STXBP6: variants seen among roughly 807,000 people sequenced by gnomAD.
The protein encoded by STXBP6 is syntaxin-binding protein 6.
A neutral mutation model predicts 26.9 loss-of-function variants in STXBP6; 21 were observed. That is an observed-to-expected ratio of 0.78 (90% CI 0.55 to 1.12). The LOEUF is 1.12. Ranked by LOEUF, STXBP6 falls within the 50% of genes most tolerant of loss-of-function variation. The probability of loss-of-function intolerance (pLI) is 0.00; values close to 1 mark genes in which losing one functional copy is unlikely to be tolerated. For missense variants in STXBP6, 232 were observed against 257.9 expected (o/e 0.90, Z 0.69); for synonymous variants, 97 against 92.6 (o/e 1.05, Z -0.27).
intron 2 of STXBP6, among the ~76,000 whole-genome samples, chr14:24,963,970 T>TAAAAAAAAAAAAAAAA (rs768793147): frequency 3.1e-5 from 2 of 64,718 alleles, no homozygotes; most frequent in Non-Finnish European, 3.0e-5. Flanking sequence ...AGCAAGTTTC[T>TAAAAAAAAAAAAAAAA]AAAAAAAAAA....
chr14:24,838,719 A>C (rs1167127407), intron 4 of STXBP6, among the ~76,000 whole-genome samples: 1 of 152,012 alleles, frequency 6.6e-6, no homozygotes, highest in African/African-American at 2.4e-5. Context: ...ATGGCCAGTA[A>C]CTTAAGGGCC....
intron 4 of STXBP6, among the ~76,000 whole-genome samples, chr14:24,841,045 G>A (rs927262921): frequency 1.1e-4 from 16 of 152,092 alleles, no homozygotes; most frequent in African/African-American, 3.9e-4. Context: ...TTTTTACCAT[G>A]TTTGCAATCG....
At chr14:24,844,412 G>A (rs990742484) in intron 4 of STXBP6, among the ~76,000 whole-genome samples, 3 of 152,226 alleles carry the variant, frequency 2.0e-5, no homozygotes, top group Admixed American at 6.5e-5. Context: ...TCGGACAGAC[G>A]TACGGGTAAC....
intron 2 of STXBP6, 118 bp downstream of exon 2, chr14:24,974,547 G>A: frequency 1.2e-6 from 1 of 833,068 alleles, no homozygotes; most frequent in South Asian, 3.2e-5. Context: ...ACGGGGAAAA[G>A]GAGCAAGACA....
chr14:25,044,512 C>A (rs1209306016), intron 1 of STXBP6, among the ~76,000 whole-genome samples: 2 of 152,186 alleles, frequency 1.3e-5, no homozygotes, highest in African/African-American at 4.8e-5. Context: ...TCCAGGCACC[C>A]CTGACTGCTT....
At chr14:24,938,822 C>T (rs1287907171) in intron 2 of STXBP6, among the ~76,000 whole-genome samples, 2 of 152,130 alleles carry the variant, frequency 1.3e-5, no homozygotes, top group East Asian at 3.9e-4. Flanking sequence ...CTAGACATTC[C>T]TAACAGAAAA....
chr14:24,990,680 G>T, intron 1 of STXBP6, among the ~76,000 whole-genome samples: 1 of 94,214 alleles, frequency 1.1e-5, no homozygotes, highest in Non-Finnish European at 2.1e-5. Flanking sequence ...AAAAAAAAAA[G>T]ATAAGCTGGG....
chr14:25,013,497 C>CACAT (rs2075078777), intron 1 of STXBP6, among the ~76,000 whole-genome samples: 1 of 151,666 alleles, frequency 6.6e-6, no homozygotes, highest in African/African-American at 2.4e-5. Context: ...CACACACACA[C>CACAT]ACACACCCCT....
chr14:24,981,842 C>T (rs78447520), intron 1 of STXBP6, among the ~76,000 whole-genome samples: 6,401 of 152,178 alleles, frequency 0.042, 153 homozygotes, highest in Middle Eastern at 0.086. Flanking sequence ...TATAGCCCAT[C>T]CACCCAACAG....
At chr14:24,924,980 T>A (rs2139842032) in intron 2 of STXBP6, among the ~76,000 whole-genome samples, 1 of 152,336 alleles carries the variant, frequency 6.6e-6, no homozygotes, top group Non-Finnish European at 1.5e-5. Context: ...GATACCGTTG[T>A]ATCAAGATAC....
intron 1 of STXBP6, among the ~76,000 whole-genome samples, chr14:24,980,788 GA>G (rs138226210): frequency 0.016 from 2,409 of 152,242 alleles, 60 homozygotes; most frequent in African/African-American, 0.055. Context: ...TTCTAAACAT[GA>G]AAAATAATGG....
At chr14:24,833,174 C>T (rs1009576798) in intron 4 of STXBP6, among the ~76,000 whole-genome samples, 7 of 152,172 alleles carry the variant, frequency 4.6e-5, no homozygotes, top group African/African-American at 4.8e-5. Context: ...AGCCTCATGA[C>T]GTTGCAGTTA....
At chr14:25,025,169 C>T (rs1007441364) in intron 1 of STXBP6, among the ~76,000 whole-genome samples, 3 of 147,770 alleles carry the variant, frequency 2.0e-5, no homozygotes, top group South Asian at 2.2e-4. Context: ...CATGAGAAGG[C>T]TTTTTTTTTT....
chr14:24,933,585 T>C (rs949462400), intron 2 of STXBP6, among the ~76,000 whole-genome samples: 3 of 152,208 alleles, frequency 2.0e-5, no homozygotes, highest in African/African-American at 7.2e-5. Flanking sequence ...TTTTTAAAAA[T>C]GTATTTTTAT....
intron 2 of STXBP6, among the ~76,000 whole-genome samples, chr14:24,916,377 T>C (rs1187018237): frequency 1.3e-5 from 2 of 152,140 alleles, no homozygotes; most frequent in African/African-American, 4.8e-5. Context: ...TGAGTCATGA[T>C]GTTGAGAATA....
chr14:24,895,663 A>G (rs1195494165), intron 2 of STXBP6, among the ~76,000 whole-genome samples: 4 of 152,250 alleles, frequency 2.6e-5, no homozygotes, highest in Non-Finnish European at 4.4e-5. Flanking sequence ...CGCAGAAGAT[A>G]GGGTAGGGCT....
intron 4 of STXBP6, among the ~76,000 whole-genome samples, chr14:24,843,387 C>T (rs1426140510): frequency 1.3e-5 from 2 of 152,160 alleles, no homozygotes; most frequent in Non-Finnish European, 2.9e-5. Flanking sequence ...CTTCCATTAA[C>T]TCCTGTGTCC....
intron 2 of STXBP6, among the ~76,000 whole-genome samples, chr14:24,890,483 A>G (rs558026673): frequency 2.6e-5 from 4 of 152,342 alleles, no homozygotes; most frequent in African/African-American, 9.6e-5. Flanking sequence ...AAATTAATTC[A>G]AGAAAACTAA....
At chr14:24,846,749 G>A (rs1017219608) in intron 4 of STXBP6, among the ~76,000 whole-genome samples, 2 of 152,304 alleles carry the variant, frequency 1.3e-5, no homozygotes, top group South Asian at 4.1e-4. Flanking sequence ...AGTAAGGAAT[G>A]TTTGCTCCTA....
Sources: gnomAD v4.1 joint callset for allele counts (sites outside exome capture counted in the v4.1 genomes callset) on GRCh38, gnomAD v4.1.1 for gene constraint, MANE v1.5 for transcripts, NCBI Gene and HGNC (gene_info 2026-07-23, HGNC 2026-07-21) for gene names.